The following LAMB4 variants were observed in gnomAD, a reference collection of about 807,000 sequenced individuals.
LAMB4 encodes the protein laminin subunit beta-4.
In LAMB4, 196 loss-of-function variants were observed where a neutral mutation model predicts 199.2. That is an observed-to-expected ratio of 0.98 (90% confidence interval 0.88 to 1.11). LAMB4 has a LOEUF of 1.11. Ranked by LOEUF, LAMB4 falls within the 50% of genes least tolerant of loss-of-function variation. The probability of loss-of-function intolerance (pLI) is 0.00; values close to 1 mark genes in which losing one functional copy is unlikely to be tolerated. For synonymous variants in LAMB4, 744 were observed against 770.6 expected, an observed-to-expected ratio of 0.97 and a Z score of 0.57; for missense variants, 2,080 against 2,171.2, an observed-to-expected ratio of 0.96 and a Z score of 0.83.
intron 24 of LAMB4, 41 bp from the exon 25 acceptor site, chr7:108,056,048 C>T: frequency 6.5e-7 from 1 of 1,544,394 alleles, no homozygotes. Context: ...GTCACTGGGC[C>T]TTTTGTTGAT....
intron 15 of LAMB4, 142 bp from the exon 16 acceptor site, chr7:108,078,458 G>A (rs2036792871): frequency 1.7e-6 from 1 of 599,158 alleles, no homozygotes; most frequent in African/African-American, 1.8e-5. Context: ...GGAGTTGAAA[G>A]AGTCTTAGAG....
At chr7:108,061,417 C>G (rs1198593418) in intron 23 of LAMB4, among the ~76,000 whole-genome samples, 1 of 152,036 alleles carries the variant, frequency 6.6e-6, no homozygotes, top group East Asian at 1.9e-4. Flanking sequence ...CAAATATATT[C>G]TAAAATAAAA....
chr7:108,108,753 A>C (rs1271962854), intron 5 of LAMB4, among the ~76,000 whole-genome samples: 1 of 152,110 alleles, frequency 6.6e-6, no homozygotes, highest in Admixed American at 6.5e-5. Context: ...ATGATTAAAG[A>C]AGCACTATAG....
chr7:108,057,802 G>T (rs758688743), intron 24 of LAMB4, 30 bp downstream of exon 24: 3 of 1,401,380 alleles, frequency 2.1e-6, no homozygotes, highest in Non-Finnish European at 3.0e-6. Context: ...CTGACTGTAC[G>T]CATGAGTTTT....
intron 14 of LAMB4, among the ~76,000 whole-genome samples, chr7:108,087,364 G>A (rs1324407707): frequency 6.6e-6 from 1 of 152,116 alleles, no homozygotes; most frequent in African/African-American, 2.4e-5. Context: ...ACTGGCTTTG[G>A]GAACAAGACA....
intron 3 of LAMB4, among the ~76,000 whole-genome samples, chr7:108,114,886 C>T: frequency 6.6e-6 from 1 of 152,134 alleles, no homozygotes; most frequent in East Asian, 1.9e-4. Context: ...AGCCACTTAT[C>T]CTTTTATAAA....
chr7:108,043,543 A>ATTTTTTTTTTTTTTTTTTT (rs1385299702), intron 29 of LAMB4, among the ~76,000 whole-genome samples: 1 of 59,694 alleles, frequency 1.7e-5, no homozygotes, highest in Non-Finnish European at 2.7e-5. Context: ...ACTGGCTATG[A>ATTTTTTTTTTTTTTTTTTT]TGTTTTTTTT....
chr7:108,022,729 T>C (rs1028390850), downstream of LAMB4, among the ~76,000 whole-genome samples: 1 of 152,200 alleles, frequency 6.6e-6, no homozygotes, highest in African/African-American at 2.4e-5. Flanking sequence ...TTCTGCAATT[T>C]TCTGTAACAG....
intron 14 of LAMB4, among the ~76,000 whole-genome samples, chr7:108,090,335 T>C (rs2037349592): frequency 6.6e-6 from 1 of 152,222 alleles, no homozygotes. Flanking sequence ...CCCTTTAAAC[T>C]CTTAATATCA....
At chr7:108,012,274 CAT>C in the LAMB4 span, among the ~76,000 whole-genome samples, 4 of 152,022 alleles carry the variant, frequency 2.6e-5, no homozygotes, top group African/African-American at 7.2e-5. Context: ...TTTCTATAAA[CAT>C]ATGAATAAAG....
intron 6 of LAMB4, 106 bp from the exon 7 acceptor site, chr7:108,106,678 C>T (rs1584765452): frequency 1.6e-6 from 1 of 638,778 alleles, no homozygotes; most frequent in South Asian, 1.9e-5. Flanking sequence ...AATCTTACCA[C>T]TTCAGCCTCC....
chr7:108,050,698 T>C (rs933708154), intron 26 of LAMB4, among the ~76,000 whole-genome samples: 4 of 152,186 alleles, frequency 2.6e-5, no homozygotes, highest in Non-Finnish European at 5.9e-5. Flanking sequence ...TATAAGACCA[T>C]ACTCTTAATG....
At chr7:108,126,666 G>C (rs1423817298) in intron 1 of LAMB4, among the ~76,000 whole-genome samples, 2 of 148,354 alleles carry the variant, frequency 1.3e-5, no homozygotes, top group African/African-American at 2.5e-5. Flanking sequence ...CCGGGTTCAC[G>C]CCATTCTCCT....
chr7:108,118,608 A>G (rs1215950783), intron 2 of LAMB4, among the ~76,000 whole-genome samples: 1 of 152,152 alleles, frequency 6.6e-6, no homozygotes, highest in Non-Finnish European at 1.5e-5. Flanking sequence ...ACTGCAAGCA[A>G]AACCTCACAC....
intron 6 of LAMB4, among the ~76,000 whole-genome samples, chr7:108,107,230 C>T (rs2038052770): frequency 6.6e-6 from 1 of 152,202 alleles, no homozygotes; most frequent in Non-Finnish European, 1.5e-5. Flanking sequence ...TTCTGCCAGG[C>T]ACCAGCTTTG....
intron 14 of LAMB4, among the ~76,000 whole-genome samples, chr7:108,088,359 C>T (rs898475788): frequency 2.6e-5 from 4 of 152,068 alleles, no homozygotes; most frequent in South Asian, 2.1e-4. Context: ...GACGGGGTTT[C>T]GCCTTGGTTG....
At chr7:108,126,182 T>C (rs893775914) in intron 1 of LAMB4, among the ~76,000 whole-genome samples, 5 of 152,262 alleles carry the variant, frequency 3.3e-5, no homozygotes, top group African/African-American at 1.2e-4. Flanking sequence ...GAAGATATTT[T>C]TAATGACTTC....
chr7:108,080,782 T>C (rs2036899966), intron 14 of LAMB4, among the ~76,000 whole-genome samples: 1 of 151,690 alleles, frequency 6.6e-6, no homozygotes, highest in African/African-American at 2.4e-5. Flanking sequence ...CAGAGGTATA[T>C]GTAAAGTCAT....
Position 108,105,896 on chromosome 7 carries a change from C to T in LAMB4, c.791G>A (p.Ser264Asn), listed in dbSNP as rs773328920. The change falls in exon 8 of 34, where the codon AGC becomes AAC. Residue 264 changes from serine to asparagine, a missense_variant. Ser to Asn is a conservative substitution (Grantham distance 46). Transcript: ENST00000388781. ...YALYEMIVRG[S>N]CFCNGHASEC... ...GCTAGCATGGCCATTGCAAAAGCAG[C>T]TTCCCCGAACAATCATCTCGTACAG... The T allele has an allele frequency of 2.5e-6, 4 of 1,614,242 alleles. No individual in the cohort carries two copies. Among genetic ancestry groups the T allele is most frequent in the Non-Finnish European group, 3.4e-6 (4 of 1,180,044 alleles).
Sources: gnomAD v4.1 joint callset for allele counts (sites outside exome capture counted in the v4.1 genomes callset) on GRCh38, gnomAD v4.1.1 for gene constraint, MANE v1.5 for transcripts, NCBI Gene and HGNC (gene_info 2026-07-23, HGNC 2026-07-21) for gene names.